Variants in CDC42SE2 observed in about 807,000 individuals in gnomAD.
CDC42SE2 encodes the protein CDC42 small effector protein 2.
In CDC42SE2, 3 loss-of-function variants were observed where a neutral mutation model predicts 11.5. The ratio of observed to expected loss-of-function variants is 0.26; its 90% CI spans 0.12 to 0.67. CDC42SE2 has a LOEUF of 0.67. Ranked by LOEUF, CDC42SE2 falls within the 30% of genes least tolerant of loss-of-function variation. The pLI is 0.80. For synonymous variants in CDC42SE2, 33 were observed against 34.8 expected, an observed-to-expected ratio of 0.95 and a Z score of 0.18; for missense variants, 82 against 106.8, an observed-to-expected ratio of 0.77 and a Z score of 1.02.
upstream of CDC42SE2, among the ~76,000 whole-genome samples, chr5:131,241,951 A>G (rs1201815680): frequency 6.6e-6 from 1 of 152,204 alleles, no homozygotes; most frequent in Non-Finnish European, 1.5e-5. Context: ...ATATATAAAA[A>G]TCTTTTATTT....
chr5:131,362,763 T>G (rs1196313253), intron 3 of CDC42SE2, among the ~76,000 whole-genome samples: 1 of 152,210 alleles, frequency 6.6e-6, no homozygotes, highest in Non-Finnish European at 1.5e-5. Flanking sequence ...ACTTAGTAAC[T>G]TAGTAATGCT....
chr5:131,360,668 G>A (rs567889419), intron 3 of CDC42SE2, among the ~76,000 whole-genome samples: 1 of 152,322 alleles, frequency 6.6e-6, no homozygotes, highest in South Asian at 2.1e-4. Context: ...CTTGGAGAGT[G>A]TAGGTATACA....
At chr5:131,360,277 C>T (rs1012602798) in intron 3 of CDC42SE2, among the ~76,000 whole-genome samples, 3 of 152,166 alleles carry the variant, frequency 2.0e-5, no homozygotes, top group Non-Finnish European at 2.9e-5. Context: ...TGTGCCACCA[C>T]GCCTGGCTAA....
At chr5:131,231,064 T>C in the CDC42SE2 span, among the ~76,000 whole-genome samples, 1 of 152,258 alleles carries the variant, frequency 6.6e-6, no homozygotes, top group Non-Finnish European at 1.5e-5. Flanking sequence ...ATCAGCAGTA[T>C]TGACCTTTAG....
At chr5:131,254,929 A>G (rs1756669007) in intron 1 of CDC42SE2, among the ~76,000 whole-genome samples, 1 of 152,186 alleles carries the variant, frequency 6.6e-6, no homozygotes, top group Admixed American at 6.5e-5. Context: ...TCTGTGTACC[A>G]CTTACACCCT....
At chr5:131,232,775 CGTCTTTAAAATAGCTCAA>C in the CDC42SE2 span, among the ~76,000 whole-genome samples, 2 of 150,664 alleles carry the variant, frequency 1.3e-5, no homozygotes, top group East Asian at 3.9e-4. Context: ...AATATTATCC[CGTCTTTAAAATAGCTCAA>C]GTTTAAAATG....
chr5:131,262,143 T>C (rs760865187), upstream of CDC42SE2, among the ~76,000 whole-genome samples: 2 of 150,884 alleles, frequency 1.3e-5, no homozygotes, highest in African/African-American at 2.5e-5. Flanking sequence ...TACAAGCACA[T>C]ATATCAAGTT....
At chr5:131,312,722 C>T (rs1169297760) in intron 1 of CDC42SE2, among the ~76,000 whole-genome samples, 1 of 152,170 alleles carries the variant, frequency 6.6e-6, no homozygotes, top group Non-Finnish European at 1.5e-5. Context: ...GTCCGTCACC[C>T]CTTTCTTTGA....
chr5:131,288,023 C>T lies in CDC42SE2; in HGVS notation c.-455+23857C>T, dbSNP rs149982336. Among the ~76,000 whole-genome samples the T allele has an allele frequency of 3.6e-3, 543 of 152,112 alleles. 5 individuals carry two copies. Among genetic ancestry groups the T allele is most frequent in the African/African-American group, 0.013 (529 of 41,504 alleles). On this transcript the variant is annotated intron_variant, in intron 1 of 4. Coordinates refer to ENST00000505065, the MANE Select transcript of CDC42SE2 (RefSeq NM_001375635.1). ...CTTTGAGAAACGGAGGCAGGTGGAT[C>T]GCATGAGCCCAGGAGTTTGAGACCG...
chr5:131,314,919 CA>C (rs1406879233), intron 1 of CDC42SE2, among the ~76,000 whole-genome samples: 1 of 152,070 alleles, frequency 6.6e-6, no homozygotes, highest in Non-Finnish European at 1.5e-5. Context: ...GCAATTTCAG[CA>C]AAGTAATTGA....
chr5:131,275,261 A>G (rs978474724), intron 1 of CDC42SE2, among the ~76,000 whole-genome samples: 1 of 151,332 alleles, frequency 6.6e-6, no homozygotes, highest in Non-Finnish European at 1.5e-5. Flanking sequence ...GGTGATTTAC[A>G]TGGACTTAGA....
At chr5:131,329,035 C>T (rs1043047247) in intron 2 of CDC42SE2, among the ~76,000 whole-genome samples, 6 of 152,146 alleles carry the variant, frequency 3.9e-5, no homozygotes, top group Admixed American at 6.5e-5. Flanking sequence ...CAGAGAGGGG[C>T]GGGAAGAGTG....
chr5:131,316,764 A>G (rs1279228291), intron 2 of CDC42SE2, among the ~76,000 whole-genome samples: 2 of 152,218 alleles, frequency 1.3e-5, no homozygotes, highest in East Asian at 1.9e-4. Flanking sequence ...AAGTAGAACT[A>G]GAGTTCCATT....
intron 1 of CDC42SE2, among the ~76,000 whole-genome samples, chr5:131,302,790 C>A (rs981716477): frequency 6.6e-6 from 1 of 150,874 alleles, no homozygotes; most frequent in Admixed American, 6.6e-5. Flanking sequence ...TTATGACTTA[C>A]CAGGAGTAGT....
At chr5:131,211,870 G>A in the CDC42SE2 span, among the ~76,000 whole-genome samples, 1,624 of 151,500 alleles carry the variant, frequency 0.011, 34 homozygotes, top group African/African-American at 0.037. Context: ...TGTAATCTCC[G>A]CTACTGGGGG....
In CDC42SE2 at chr5:131,393,734, T is replaced by TGTCA. The variant is rs1750746035; in HGVS notation, c.*2644_*2647dup. ...TTTAAATTAGTACAATTTTTCTACTTGTCATATAACTCCTGGAACAATAGT... is the reference window on the plus strand; with the variant it reads ...TTTAAATTAGTACAATTTTTCTACTTGTCAGTCATATAACTCCTGGAACAATAGT... On this transcript the variant is annotated 3_prime_UTR_variant, in exon 5 of 5. Coordinates refer to ENST00000505065, the MANE Select transcript of CDC42SE2 (RefSeq NM_001375635.1). The TGTCA allele has an allele frequency of 6.6e-6, 1 of 152,334 alleles. No homozygotes were observed. The highest frequency in any genetic ancestry group is 1.5e-5 in the Non-Finnish European group (1 of 68,032). The allele number at this position is 152,334 out of a possible 1,614,324, so 9.4% of individuals were successfully genotyped here. A position where few individuals can be genotyped will look rare whatever the true frequency, so the allele number is the denominator to read the frequency against.
At chr5:131,348,801 C>T (rs930058842) in intron 2 of CDC42SE2, among the ~76,000 whole-genome samples, 1 of 152,046 alleles carries the variant, frequency 6.6e-6, no homozygotes, top group Admixed American at 6.6e-5. Flanking sequence ...AAGATATAGA[C>T]CAATGGAATA....
In CDC42SE2 at chr5:131,249,014, C is replaced by CTTTTTTT. The variant is rs35929101; in HGVS notation, n.107+3430_107+3436dup. On this transcript the variant is annotated intron_variant and non_coding_transcript_variant, in intron 1 of 3. Transcript: ENST00000502840. ...GTGTCCATGAATAGCCAGGTTACAT[C>CTTTTTTT]TTTTTTTTTTTTTTTTTTTTTGATA... Among the ~76,000 whole-genome samples, 9 of 116,088 alleles carry CTTTTTTT rather than the reference C, an allele frequency of 7.8e-5. 1 individual carries two copies. The highest frequency in any genetic ancestry group is 1.3e-4 in the African/African-American group (4 of 30,232). 76.2% of individuals were successfully genotyped at this position (116,088 alleles called of 152,430 possible). A position where few individuals can be genotyped will look rare whatever the true frequency, so the allele number is the denominator to read the frequency against.
At chr5:131,216,518 A>AAAAAAAAAAAC in the CDC42SE2 span, among the ~76,000 whole-genome samples, 94 of 146,080 alleles carry the variant, frequency 6.4e-4, 3 homozygotes, top group African/African-American at 1.8e-3. Context: ...AAAAAAAAAA[A>AAAAAAAAAAAC]AAAACATTAT....
Sources: gnomAD v4.1 joint callset for allele counts (sites outside exome capture counted in the v4.1 genomes callset) on GRCh38, gnomAD v4.1.1 for gene constraint, MANE v1.5 for transcripts, NCBI Gene and HGNC (gene_info 2026-07-23, HGNC 2026-07-21) for gene names.